MYH15: variants seen among roughly 807,000 people sequenced by gnomAD.
MYH15 encodes the protein myosin-15.
In MYH15, 227 loss-of-function variants were observed where a neutral mutation model predicts 240.5. The observed-to-expected ratio is 0.94, with a 90% CI of 0.85 to 1.05. MYH15 has a LOEUF of 1.05. MYH15 is among the 50% of genes least tolerant of loss of function. The pLI, the probability that MYH15 is intolerant of heterozygous loss-of-function variation, is 0.00. For synonymous variants in MYH15, 785 were observed against 796.7 expected (o/e 0.99, Z 0.25); for missense variants, 2,217 against 2,247.5 (o/e 0.99, Z 0.27).
chr3:108,546,790 T>G, the MYH15 span, among the ~76,000 whole-genome samples: 1 of 152,158 alleles, frequency 6.6e-6, no homozygotes, highest in Non-Finnish European at 1.5e-5. Flanking sequence ...AATAAAGTTT[T>G]TTCTGGGGTA....
Position 108,383,735 on chromosome 3 carries a change from A to AAAAT in MYH15, c.5632-10_5632-7dup. ...TATTGATTGGCTTGTGTTTCCTATA[A>AAAAT]AAATAAAAAAAAAAAAAAAGAAATC... On this transcript the variant is annotated splice_region_variant and splice_polypyrimidine_tract_variant and intron_variant, in intron 39 of 40. Transcript: ENST00000693548. 1 of 1,484,718 alleles carries AAAAT rather than the reference A, an allele frequency of 6.7e-7. No homozygotes were observed. Among genetic ancestry groups the AAAAT allele is most frequent in the Non-Finnish European group, 8.8e-7 (1 of 1,134,384 alleles). 92.0% of individuals were successfully genotyped at this position (1,484,718 alleles called of 1,614,324 possible).
intron 1 of MYH15, among the ~76,000 whole-genome samples, chr3:108,527,536 A>T (rs113737682): frequency 1.4e-4 from 22 of 152,224 alleles, no homozygotes; most frequent in Middle Eastern, 3.4e-3. Flanking sequence ...TTATTTTTTT[A>T]AAAAAATCAT....
intron 38 of MYH15, among the ~76,000 whole-genome samples, chr3:108,388,210 T>C (rs1434823105): frequency 2.0e-5 from 3 of 152,106 alleles, no homozygotes; most frequent in Non-Finnish European, 4.4e-5. Flanking sequence ...ACAGTGGAAA[T>C]CACACATCTA....
chr3:108,483,815 T>C (rs972295401), intron 11 of MYH15, among the ~76,000 whole-genome samples: 6 of 152,238 alleles, frequency 3.9e-5, no homozygotes, highest in Non-Finnish European at 8.8e-5. Flanking sequence ...GAAGACATTA[T>C]GCTAAGTGAA....
chr3:108,435,681 A>T (rs1028142633), intron 25 of MYH15, among the ~76,000 whole-genome samples: 1 of 121,020 alleles, frequency 8.3e-6, no homozygotes, highest in South Asian at 2.4e-4. Context: ...CTGTGTATGT[A>T]TATTTTATAT....
At chr3:108,466,790 G>T (rs1252934609) in intron 14 of MYH15, among the ~76,000 whole-genome samples, 1 of 152,076 alleles carries the variant, frequency 6.6e-6, no homozygotes. Context: ...ATGGTTCAAG[G>T]TGTCCCCCCT....
At chr3:108,460,420 A>G in intron 16 of MYH15, 53 bp from the exon 17 acceptor site, 10 of 1,433,116 alleles carry the variant, frequency 7.0e-6, no homozygotes, top group Non-Finnish European at 9.5e-6. Context: ...GCTCATTTTT[A>G]TCACATTATC....
intron 21 of MYH15, among the ~76,000 whole-genome samples, chr3:108,447,031 A>C (rs958742344): frequency 3.9e-5 from 6 of 152,154 alleles, no homozygotes; most frequent in African/African-American, 1.4e-4. Flanking sequence ...GGAAATAAAA[A>C]CCATAAAAAA....
Position 108,410,647 on chromosome 3 carries a change from C to T in MYH15, c.4431G>A (p.Lys1477=). 6.2e-7 allele frequency: 1 copy of T among 1,614,056 alleles called. No homozygotes were observed. The stretch of plus-strand genomic sequence containing the variant: ...CCACGATGCTCTCCTCATAGGTGTT[C>T]TTGAGCTTGAGGAGCTCTGTACTGA... The part of the protein sequence containing the change: ...QALSTELLKL[K]NTYEESIVGQ... The change falls in exon 31 of 41, where the codon AAG becomes AAA. Residue 1477 remains lysine (K), a synonymous_variant. Coordinates refer to ENST00000693548, the MANE Select transcript of MYH15 (RefSeq NM_014981.3).
At chr3:108,448,630 G>A (rs965429393) in intron 21 of MYH15, among the ~76,000 whole-genome samples, 1 of 151,916 alleles carries the variant, frequency 6.6e-6, no homozygotes, top group African/African-American at 2.4e-5. Context: ...AGGTATAGAA[G>A]GAAAGTACTG....
At chr3:108,524,213 C>A (rs2083647893) in intron 1 of MYH15, among the ~76,000 whole-genome samples, 1 of 151,906 alleles carries the variant, frequency 6.6e-6, no homozygotes, top group Non-Finnish European at 1.5e-5. Flanking sequence ...CAGTAATAGG[C>A]CTTTTCATTC....
rs1342119001 is a variant in MYH15, at chr3:108,460,355, C to G, written c.1877G>C (p.Gly626Ala). Residue 626 changes from glycine to alanine, a missense_variant, in exon 17 of 41, where the codon GGG becomes GCG. Coordinates refer to ENST00000693548, the MANE Select transcript of MYH15 (RefSeq NM_014981.3). ...YMSTDSAIPF[G>A]EKKRKKGASF... The stretch of plus-strand genomic sequence containing the variant: ...AGCTCCTTTCTTTCGTTTCTTCTCC[C>G]CAAATGGTATAGCTAGCAAAAAAAA... 1.3e-6 allele frequency: 2 copies of G among 1,591,396 alleles called. No individual in the cohort carries two copies. Among genetic ancestry groups the G allele is most frequent in the East Asian group, 2.3e-5 (1 of 44,182 alleles).
At chr3:108,436,029 TTC>T (rs1487468752) in intron 25 of MYH15, among the ~76,000 whole-genome samples, 1 of 152,128 alleles carries the variant, frequency 6.6e-6, no homozygotes, top group Non-Finnish European at 1.5e-5. Flanking sequence ...AGGTAGCAAT[TTC>T]TCTCACCTCA....
chr3:108,466,182 T>C (rs2083115737), intron 14 of MYH15, among the ~76,000 whole-genome samples: 1 of 152,154 alleles, frequency 6.6e-6, no homozygotes, highest in South Asian at 2.1e-4. Flanking sequence ...TCTAGAATAG[T>C]GGTAGTGTTG....
intron 1 of MYH15, among the ~76,000 whole-genome samples, chr3:108,527,318 C>A (rs1001174433): frequency 1.4e-4 from 22 of 152,192 alleles, no homozygotes; most frequent in Admixed American, 8.5e-4. Context: ...TACAAAACAG[C>A]CTCAATTAAC....
Position 108,388,968 on chromosome 3 carries a change from A to G in MYH15, c.5535+2T>C, listed in dbSNP as rs1359601659. The stretch of plus-strand genomic sequence containing the variant: ...CAAACAGGGAATGGTTTCCTGGAGT[A>G]CCTGATAGGTCAGCTCTTTGATGCA... On this transcript the variant is annotated splice_donor_variant, in intron 38 of 40. Coordinates refer to ENST00000693548, the MANE Select transcript of MYH15 (RefSeq NM_014981.3). LOFTEE classifies it high-confidence loss of function. 1.2e-6 allele frequency: 2 copies of G among 1,612,712 alleles called. No individual in the cohort carries two copies. Among genetic ancestry groups the G allele is most frequent in the South Asian group, 1.1e-5 (1 of 90,858 alleles).
chr3:108,388,512 T>A (rs1220679381), intron 38 of MYH15, among the ~76,000 whole-genome samples: 1 of 152,104 alleles, frequency 6.6e-6, no homozygotes, highest in Non-Finnish European at 1.5e-5. Flanking sequence ...GTGTCCTCAG[T>A]GGCCTTGAGT....
At chr3:108,429,442 C>A (rs575606112) in intron 26 of MYH15, among the ~76,000 whole-genome samples, 2 of 152,170 alleles carry the variant, frequency 1.3e-5, no homozygotes, top group African/African-American at 4.8e-5. Context: ...TTTGAAATAA[C>A]AAACGAGAGC....
At chr3:108,397,867 G>A (rs1181199838) in intron 35 of MYH15, among the ~76,000 whole-genome samples, 24 of 152,136 alleles carry the variant, frequency 1.6e-4, no homozygotes, top group African/African-American at 5.8e-4. Flanking sequence ...ACCAGGAGCA[G>A]GAGTGGTTCT....
Sources: allele counts gnomAD v4.1 joint callset (sites outside exome capture counted in the v4.1 genomes callset), GRCh38; gene constraint gnomAD v4.1.1; transcripts MANE v1.5; gene names NCBI Gene and HGNC (gene_info 2026-07-23, HGNC 2026-07-21).